The following GNA12 variants were observed in gnomAD, a reference collection of about 807,000 sequenced individuals.
GNA12 encodes the protein guanine nucleotide-binding protein subunit alpha-12.
GNA12 carries 9 observed loss-of-function variants against 26.0 expected under a neutral mutation model. That is an observed-to-expected ratio of 0.35 (90% CI 0.21 to 0.60). The LOEUF (loss-of-function observed/expected upper bound fraction) is 0.60, where lower values mean the gene tolerates loss of function less well. GNA12 is among the 20% of genes least tolerant of loss of function. GNA12 has a pLI of 0.78. For missense variants in GNA12, 405 were observed against 525.8 expected, an observed-to-expected ratio of 0.77 and a Z score of 2.25; for synonymous variants, 264 against 219.6, an observed-to-expected ratio of 1.20 and a Z score of -1.79.
intron 3 of GNA12, among the ~76,000 whole-genome samples, chr7:2,732,110 T>C (rs1261829758): frequency 6.6e-6 from 1 of 152,222 alleles, no homozygotes; most frequent in Non-Finnish European, 1.5e-5. Context: ...GCTTATAGCT[T>C]CCAAAACCTT....
chr7:2,819,928 G>T (rs1307484065), intron 1 of GNA12, among the ~76,000 whole-genome samples: 2 of 152,188 alleles, frequency 1.3e-5, no homozygotes, highest in East Asian at 3.8e-4. Context: ...GCACATGGAT[G>T]TTTATAGCAA....
chr7:2,730,887 G>T lies in GNA12; in HGVS notation c.*294C>A. On this transcript the variant is annotated 3_prime_UTR_variant, in exon 4 of 4. Coordinates refer to ENST00000275364, the MANE Select transcript of GNA12 (RefSeq NM_007353.3). The stretch of plus-strand genomic sequence containing the variant: ...TAAACTGCGTCAGAAAAAGAGGAAC[G>T]TTTCTGTAAAAGCAAAGCAAGCTGT... 2.8e-6 allele frequency: 1 copy of T among 360,872 alleles called. No homozygotes were observed. Among genetic ancestry groups the T allele is most frequent in the Non-Finnish European group, 5.2e-6 (1 of 193,626 alleles). The allele number at this position is 360,872 out of a possible 1,614,324, so 22.4% of individuals were successfully genotyped here.
intron 1 of GNA12, among the ~76,000 whole-genome samples, chr7:2,798,292 T>C (rs1392496802): frequency 2.6e-5 from 4 of 152,062 alleles, no homozygotes; most frequent in African/African-American, 9.7e-5. Context: ...CCCAAAGTAA[T>C]CTACCAAAAA....
intron 2 of GNA12, among the ~76,000 whole-genome samples, chr7:2,777,090 A>G (rs1297143343): frequency 1.3e-5 from 2 of 152,132 alleles, no homozygotes; most frequent in South Asian, 2.1e-4. Flanking sequence ...CTAGTCCTGC[A>G]CCTGTGTAGC....
chr7:2,806,457 C>CAAAAAAAAAAAAAAAAAAAAAAAA (rs34036056), intron 1 of GNA12, among the ~76,000 whole-genome samples: 1 of 80,706 alleles, frequency 1.2e-5, no homozygotes, highest in Non-Finnish European at 2.4e-5. Context: ...GACTCTGTCT[C>CAAAAAAAAAAAAAAAAAAAAAAAA]AAAAAAAAAA....
Position 2,842,601 on chromosome 7 carries a change from T to A in GNA12, c.309+1252A>T, listed in dbSNP as rs191046954. ...GCACGAGCCATCACACCTGGCCGAC[T>A]TCTACAGCTTCTTTCACAAATATGG... On this transcript the variant is annotated intron_variant, in intron 1 of 3. Coordinates refer to ENST00000275364, the MANE Select transcript of GNA12 (RefSeq NM_007353.3). Among the ~76,000 whole-genome samples the A allele has an allele frequency of 1.4e-3, 206 of 152,326 alleles. 1 individual carries two copies. Among genetic ancestry groups the A allele is most frequent in the African/African-American group, 4.8e-3 (200 of 41,570 alleles).
At chr7:2,733,575 C>G in intron 2 of GNA12, 74 bp from the exon 3 acceptor site, 3 of 1,191,948 alleles carry the variant, frequency 2.5e-6, no homozygotes, top group South Asian at 2.5e-5. Flanking sequence ...AAGAACTGAA[C>G]AGGGTAAGAG....
At chr7:2,795,634 AAAAAAAGAAAAG>A (rs980882476) in intron 1 of GNA12, among the ~76,000 whole-genome samples, 1 of 151,238 alleles carries the variant, frequency 6.6e-6, no homozygotes, top group Non-Finnish European at 1.5e-5. Context: ...TTTCAAAAAA[AAAAAAAGAAAAG>A]AAAAAAGAAA....
Position 2,730,469 on chromosome 7 carries a change from C to T in GNA12, c.*712G>A, listed in dbSNP as rs908093567. The T allele has an allele frequency of 6.6e-5, 10 of 152,510 alleles. No individual in the cohort carries two copies. Among genetic ancestry groups the T allele is most frequent in the African/African-American group, 9.6e-5 (4 of 41,526 alleles). The allele number at this position is 152,510 out of a possible 1,614,324, so 9.4% of individuals were successfully genotyped here. A position where few individuals can be genotyped will look rare whatever the true frequency, so the allele number is the denominator to read the frequency against. ...GGAAGGGCTGAGCCTGCTGTAGGGG[C>T]GTAAGGTGAATCCACACCTGCAGAG... On this transcript the variant is annotated 3_prime_UTR_variant, in exon 4 of 4. Transcript: ENST00000275364.
chr7:2,754,425 T>C (rs532299664), intron 2 of GNA12, among the ~76,000 whole-genome samples: 1 of 152,258 alleles, frequency 6.6e-6, no homozygotes, highest in African/African-American at 2.4e-5. Context: ...TCCCAGTCTG[T>C]AGCTTGTCTT....
intron 1 of GNA12, among the ~76,000 whole-genome samples, chr7:2,842,067 G>A (rs1252883620): frequency 2.2e-5 from 2 of 89,818 alleles, no homozygotes; most frequent in East Asian, 7.4e-4. Flanking sequence ...TAGAAAGAAA[G>A]GAAGAAAAGG....
chr7:2,837,682 G>A (rs1261466036), intron 1 of GNA12, among the ~76,000 whole-genome samples: 2 of 152,154 alleles, frequency 1.3e-5, no homozygotes, highest in African/African-American at 4.8e-5. Context: ...CAGGAATGAA[G>A]AGGAAATACA....
chr7:2,752,207 A>G (rs1265311930), intron 2 of GNA12, among the ~76,000 whole-genome samples: 5 of 152,238 alleles, frequency 3.3e-5, no homozygotes, highest in Non-Finnish European at 5.9e-5. Context: ...AGATGCAGAA[A>G]AAAAGCATGT....
chr7:2,759,584 C>T (rs764935469), intron 2 of GNA12, among the ~76,000 whole-genome samples: 16 of 152,212 alleles, frequency 1.1e-4, no homozygotes, highest in Non-Finnish European at 1.9e-4. Context: ...GCGGTAGTGG[C>T]TCACATGGGG....
intron 2 of GNA12, among the ~76,000 whole-genome samples, chr7:2,770,641 CAAT>C (rs1477012877): frequency 8.5e-6 from 1 of 118,026 alleles, no homozygotes; most frequent in East Asian, 2.1e-4. Flanking sequence ...ATCTCAACAA[CAAT>C]AACAACAACA....
Position 2,762,928 on chromosome 7 carries a change from C to T in GNA12, c.526-29427G>A, listed in dbSNP as rs1035852185. On this transcript the variant is annotated intron_variant, in intron 2 of 3. Coordinates refer to ENST00000275364, the MANE Select transcript of GNA12 (RefSeq NM_007353.3). ...GGAGAAGAGGCCACAGGCGGGGACGCCCCAGACACTCCCGTGGGGCCCGTG... is the reference window on the plus strand; with the variant it reads ...GGAGAAGAGGCCACAGGCGGGGACGTCCCAGACACTCCCGTGGGGCCCGTG... The T allele has an allele frequency of 1.6e-5, 23 of 1,399,700 alleles. No homozygotes were observed. In the Middle Eastern group the frequency reaches 1.2e-3, roughly 75 times the overall value. 86.7% of individuals were successfully genotyped at this position (1,399,700 alleles called of 1,614,324 possible). A position where few individuals can be genotyped will look rare whatever the true frequency, so the allele number is the denominator to read the frequency against.
chr7:2,751,168 G>A (rs971480633), intron 2 of GNA12, among the ~76,000 whole-genome samples: 2 of 152,078 alleles, frequency 1.3e-5, no homozygotes, highest in Non-Finnish European at 2.9e-5. Flanking sequence ...CAGGTGGACT[G>A]GTTGAGGTCA....
intron 2 of GNA12, among the ~76,000 whole-genome samples, chr7:2,787,751 A>T (rs1792400233): frequency 6.6e-6 from 1 of 152,220 alleles, no homozygotes; most frequent in South Asian, 2.1e-4. Context: ...TTTCGCCCCT[A>T]CAGCAAGGCC....
chr7:2,776,146 G>A (rs558398524), intron 2 of GNA12, among the ~76,000 whole-genome samples: 16 of 152,302 alleles, frequency 1.1e-4, no homozygotes, highest in African/African-American at 3.8e-4. Flanking sequence ...TCCTTGCTCA[G>A]GCTGGTCTCT....
Sources: allele counts gnomAD v4.1 joint callset (sites outside exome capture counted in the v4.1 genomes callset), GRCh38; gene constraint gnomAD v4.1.1; transcripts MANE v1.5; gene names NCBI Gene and HGNC (gene_info 2026-07-23, HGNC 2026-07-21).